The following DGKD variants were observed in gnomAD, a reference collection of about 807,000 sequenced individuals.
DGKD encodes diacylglycerol kinase delta.
In DGKD, 68 loss-of-function variants were observed where a neutral mutation model predicts 154.4. That is an observed-to-expected ratio of 0.44 (90% CI 0.36 to 0.54). DGKD has a LOEUF of 0.54. Ranked by LOEUF, DGKD falls within the 20% of genes least tolerant of loss-of-function variation. The pLI, the probability that DGKD is intolerant of heterozygous loss-of-function variation, is 0.00. For missense variants in DGKD, 1,343 were observed against 1,593.6 expected, an observed-to-expected ratio of 0.84 and a Z score of 2.68; for synonymous variants, 693 against 638.0, an observed-to-expected ratio of 1.09 and a Z score of -1.30.
chr2:233,390,275 GT>G lies in DGKD; in HGVS notation c.268-125del, dbSNP rs564748759. Reference sequence around the variant, plus strand: ...ATTGGCTTATTGATTGGATGCTACAGTTTCAAGGTACTGGGGCTTCTGTGGG... The same window carrying G: ...ATTGGCTTATTGATTGGATGCTACAGTTCAAGGTACTGGGGCTTCTGTGGG... On this transcript the variant is annotated intron_variant, in intron 2 of 29. Transcript: ENST00000264057. The G allele has an allele frequency of 7.5e-5, 43 of 571,330 alleles. No individual in the cohort carries two copies. In the South Asian group the frequency reaches 1.1e-3, roughly 14 times the overall value. The allele number at this position is 571,330 out of a possible 1,614,324, so 35.4% of individuals were successfully genotyped here.
rs867971020 is a variant in DGKD at position 233,441,064 on chromosome 2, T to C, written c.1086-823T>C. On this transcript the variant is annotated intron_variant, in intron 9 of 29. Transcript: ENST00000264057. This position sits in a 1 kb window ranked among gnomAD's most constrained non-coding sequence, Gnocchi z 5.6. Reference sequence around the variant, plus strand: ...AGAGTGGTGTGTTCTGGAGGACAGGTGCAAGTGTTGGCTTTCAGGAGTGGC... The same window carrying C: ...AGAGTGGTGTGTTCTGGAGGACAGGCGCAAGTGTTGGCTTTCAGGAGTGGC... 1.3e-5 allele frequency among the ~76,000 whole-genome samples: 2 copies of C among 152,090 alleles called. No homozygotes were observed. The highest frequency in any genetic ancestry group is 4.8e-5 in the African/African-American group (2 of 41,416).
chr2:233,368,376 G>A (rs539909748), intron 1 of DGKD, among the ~76,000 whole-genome samples: 10 of 152,146 alleles, frequency 6.6e-5, no homozygotes, highest in Admixed American at 1.3e-4. Context: ...GCTGGGCATC[G>A]TGGTGGACAC....
intron 3 of DGKD, among the ~76,000 whole-genome samples, chr2:233,418,909 T>C (rs1222402333): frequency 6.6e-6 from 1 of 152,156 alleles, no homozygotes; most frequent in Non-Finnish European, 1.5e-5. Flanking sequence ...TCAGGCTCTT[T>C]CTATATGGGG....
At chr2:233,384,288 G>A (rs796959345) in intron 1 of DGKD, among the ~76,000 whole-genome samples, 5 of 152,192 alleles carry the variant, frequency 3.3e-5, no homozygotes, top group African/African-American at 4.8e-5. Context: ...TCACTGATGC[G>A]ATCTTCTCGA....
At chr2:233,415,330 G>A (rs534927315) in intron 3 of DGKD, among the ~76,000 whole-genome samples, 118 of 152,346 alleles carry the variant, frequency 7.7e-4, no homozygotes, top group African/African-American at 2.7e-3. Flanking sequence ...TTGGTTATGA[G>A]ATGCCTGCAG....
At chr2:233,439,297 C>G (rs1011128945) in intron 9 of DGKD, among the ~76,000 whole-genome samples, 1 of 152,138 alleles carries the variant, frequency 6.6e-6, no homozygotes, top group Non-Finnish European at 1.5e-5. Flanking sequence ...AGGGGCTACT[C>G]TGATGTGAAC....
intron 1 of DGKD, among the ~76,000 whole-genome samples, chr2:233,361,971 T>C (rs1701802617): frequency 6.6e-6 from 1 of 152,116 alleles, no homozygotes; most frequent in African/African-American, 2.4e-5. Context: ...AATTTTTTGG[T>C]ATTTTTAATA....
chr2:233,434,186 C>G (rs555106460), intron 3 of DGKD, among the ~76,000 whole-genome samples, 194 bp from the exon 4 acceptor site: 1 of 152,302 alleles, frequency 6.6e-6, no homozygotes, highest in South Asian at 2.1e-4. Flanking sequence ...ATTTCACTGT[C>G]TTTTTGGTTT....
rs751727139 is a variant in DGKD, at chr2:233,440,032, A to G, written c.1085+1653A>G. 5.3e-5 allele frequency among the ~76,000 whole-genome samples: 8 copies of G among 152,218 alleles called. No individual in the cohort carries two copies. Among genetic ancestry groups the G allele is most frequent in the Non-Finnish European group, 8.8e-5 (6 of 68,038 alleles). On this transcript the variant is annotated intron_variant, in intron 9 of 29. Coordinates refer to ENST00000264057, the MANE Select transcript of DGKD (RefSeq NM_152879.3). The surrounding 1 kb of genome is among the most constrained non-coding windows in gnomAD (Gnocchi z 4.9). Reference sequence around the variant, plus strand: ...TGGCTGTGGGCAGGGCAGGTTACACAGCTGAACTCGAGAATAACGAAATAT... The same window carrying G: ...TGGCTGTGGGCAGGGCAGGTTACACGGCTGAACTCGAGAATAACGAAATAT...
In DGKD at chr2:233,451,997, G is replaced by T. The variant is rs761089107; in HGVS notation, c.2201G>T (p.Gly734Val). Residue 734 changes from glycine (G) to valine (V), a missense_variant, in exon 18 of 30, where the codon GGT becomes GTT. Physicochemically the swap from Gly to Val is moderately radical, Grantham distance 109. Around this residue, in one of 6 missense-constraint regions of DGKD, gnomAD observed 409 missense variants for 446.0 expected, o/e 0.92. Coordinates refer to ENST00000264057, the MANE Select transcript of DGKD (RefSeq NM_152879.3). ...VRAGMSGSLPGGSVISRLLIN... is the reference protein window; with the variant it reads ...VRAGMSGSLPVGSVISRLLIN... ...GCTGGAATGTCTGGTTCCTTACCCG[G>T]TGGCTCAGTCATCAGTCGCCTGTTA... 3.1e-6 allele frequency: 5 copies of T among 1,614,080 alleles called. No individual in the cohort carries two copies. Among genetic ancestry groups the T allele is most frequent in the Non-Finnish European group, 4.2e-6 (5 of 1,179,962 alleles).
chr2:233,456,838 ACT>A, intron 19 of DGKD, 59 bp from the exon 20 acceptor site: 2 of 1,278,256 alleles, frequency 1.6e-6, no homozygotes, highest in Non-Finnish European at 2.3e-6. Context: ...CACAGAAATG[ACT>A]CTGGTTAACT....
At chr2:233,466,656 A>G (rs2063832417) in intron 27 of DGKD, among the ~76,000 whole-genome samples, 1 of 152,170 alleles carries the variant, frequency 6.6e-6, no homozygotes, top group Non-Finnish European at 1.5e-5. Flanking sequence ...GTGGATCGCA[A>G]GGAAAGAATG....
In DGKD at chr2:233,397,539, G is replaced by A. The variant is rs1400250070; in HGVS notation, c.348+7056G>A. 7.0e-4 allele frequency among the ~76,000 whole-genome samples: 96 copies of A among 137,726 alleles called. 1 individual carries two copies. Among genetic ancestry groups the A allele is most frequent in the Non-Finnish European group, 8.6e-4 (54 of 62,826 alleles). The allele number at this position is 137,726 out of a possible 152,430, so 90.4% of individuals were successfully genotyped here. On this transcript the variant is annotated intron_variant, in intron 3 of 29. Coordinates refer to ENST00000264057, the MANE Select transcript of DGKD (RefSeq NM_152879.3). ...ACCAGAGGGGACCAGGGTGGCTGGGGGGGGGGGGCAGAGTGAGAGGACACC... is the reference window on the plus strand; with the variant it reads ...ACCAGAGGGGACCAGGGTGGCTGGGAGGGGGGGGCAGAGTGAGAGGACACC...
At chr2:233,437,815 C>T (rs937470499) in intron 8 of DGKD, among the ~76,000 whole-genome samples, 3 of 152,196 alleles carry the variant, frequency 2.0e-5, no homozygotes, top group African/African-American at 7.2e-5. Context: ...GGGCCTTCTC[C>T]GTCATGAGCC....
At chr2:233,418,339 T>C (rs1000871377) in intron 3 of DGKD, among the ~76,000 whole-genome samples, 2 of 152,196 alleles carry the variant, frequency 1.3e-5, no homozygotes, top group Non-Finnish European at 2.9e-5. Context: ...GGTAATAATA[T>C]TCCCTTCCTG....
In DGKD at chr2:233,451,902, G is replaced by A. The variant is rs529995029; in HGVS notation, c.2168-62G>A. On this transcript the variant is annotated intron_variant, in intron 17 of 29. Transcript: ENST00000264057. ...ACCGGTCCACCAGCTTCAGAGACAC[G>A]AGCTTCTCCTAAGGCTGTAGCTCCT... The A allele has an allele frequency of 1.4e-5, 19 of 1,396,202 alleles. No homozygotes were observed. In the East Asian group the frequency reaches 2.5e-4, roughly 19 times the overall value. The allele number at this position is 1,396,202 out of a possible 1,614,324, so 86.5% of individuals were successfully genotyped here.
At chr2:233,393,459 C>G (rs1224438887) in intron 3 of DGKD, among the ~76,000 whole-genome samples, 2 of 151,254 alleles carry the variant, frequency 1.3e-5, no homozygotes, top group Admixed American at 1.3e-4. Context: ...GCTTCAGCCT[C>G]CTGAGTAGCT....
At chr2:233,374,552 C>A (rs1428630549) in intron 1 of DGKD, among the ~76,000 whole-genome samples, 1 of 152,032 alleles carries the variant, frequency 6.6e-6, no homozygotes, top group Admixed American at 6.5e-5. Context: ...CCAGGCTGGT[C>A]TTGAACTCCT....
chr2:233,460,547 T>G (rs1380736482), intron 24 of DGKD, among the ~76,000 whole-genome samples: 1 of 152,200 alleles, frequency 6.6e-6, no homozygotes, highest in Non-Finnish European at 1.5e-5. Context: ...GGAGTTTACA[T>G]GGCTGGAACC....
Sources: gnomAD v4.1 joint callset for allele counts (sites outside exome capture counted in the v4.1 genomes callset) on GRCh38, gnomAD v4.1.1 for gene constraint, gnomAD v4.1.1 regional missense constraint, Gnocchi (gnomAD v3.1) non-coding constraint, MANE v1.5 for transcripts, NCBI Gene and HGNC (gene_info 2026-07-23, HGNC 2026-07-21) for gene names.